The following ATL2 variants were observed in gnomAD, a reference collection of about 807,000 sequenced individuals.
ATL2 encodes the protein atlastin-2.
In ATL2, 31 loss-of-function variants were observed where a neutral mutation model predicts 73.9. The observed-to-expected ratio is 0.42, with a 90% CI of 0.32 to 0.57. The LOEUF is 0.57. ATL2 is among the 20% of genes least tolerant of loss of function. ATL2 has a pLI of 0.14. For synonymous variants in ATL2, 291 were observed against 237.5 expected (o/e 1.23, Z -2.07); for missense variants, 738 against 702.6 (o/e 1.05, Z -0.57).
At chr2:38,320,832 G>GCAAAAA (rs933990260) in intron 2 of ATL2, among the ~76,000 whole-genome samples, 5 of 151,850 alleles carry the variant, frequency 3.3e-5, no homozygotes, top group East Asian at 1.9e-4. Context: ...ACACACAGTG[G>GCAAAAA]CAAAAACAAA....
chr2:38,320,899 C>CTT (rs1022319216), intron 2 of ATL2, among the ~76,000 whole-genome samples: 1 of 151,532 alleles, frequency 6.6e-6, no homozygotes, highest in Non-Finnish European at 1.5e-5. Context: ...AATCCCAGCA[C>CTT]TTTGAGAGGC....
chr2:38,304,591 C>T (rs1667352450), intron 9 of ATL2, among the ~76,000 whole-genome samples: 1 of 152,138 alleles, frequency 6.6e-6, no homozygotes, highest in South Asian at 2.1e-4. Context: ...ACAACCACAA[C>T]TTTTCCAGAC....
chr2:38,364,779 T>C (rs1558456004), intron 1 of ATL2, among the ~76,000 whole-genome samples: 1 of 152,236 alleles, frequency 6.6e-6, no homozygotes, highest in Non-Finnish European at 1.5e-5. Flanking sequence ...GCACAGTGGC[T>C]TGCGCCTGTA....
intron 2 of ATL2, among the ~76,000 whole-genome samples, chr2:38,342,850 A>T (rs1669802140): frequency 6.6e-6 from 1 of 152,188 alleles, no homozygotes; most frequent in African/African-American, 2.4e-5. Flanking sequence ...ATGGCGATGA[A>T]GAATCAAGAG....
rs982421519 is a variant in ATL2 at position 38,314,574 on chromosome 2, G to T, written c.711+34C>A. ...GAGGTGGCTTCACAACTTCTCATAG[G>T]CTAATCTTTAAAATGTTAGAATAAC... On this transcript the variant is annotated intron_variant, in intron 6 of 12. Coordinates refer to ENST00000378954, the MANE Select transcript of ATL2 (RefSeq NM_001135673.4). The T allele has an allele frequency of 1.1e-5, 16 of 1,497,254 alleles. No individual in the cohort carries two copies. In the East Asian group the frequency reaches 1.4e-4, roughly 13 times the overall value. 92.7% of individuals were successfully genotyped at this position (1,497,254 alleles called of 1,614,324 possible). A position where few individuals can be genotyped will look rare whatever the true frequency, so the allele number is the denominator to read the frequency against.
chr2:38,353,915 G>A (rs1229877777), intron 1 of ATL2, among the ~76,000 whole-genome samples: 6 of 152,096 alleles, frequency 3.9e-5, no homozygotes, highest in African/African-American at 1.2e-4. Flanking sequence ...AAGTATGGCC[G>A]GGTGCGGTGG....
chr2:38,325,680 A>AG (rs1402771577), intron 2 of ATL2, among the ~76,000 whole-genome samples: 2 of 76,796 alleles, frequency 2.6e-5, no homozygotes, highest in African/African-American at 2.4e-4. Context: ...ACACACACAC[A>AG]CACACACACA....
chr2:38,364,623 A>C (rs552022858), intron 1 of ATL2, among the ~76,000 whole-genome samples: 1 of 152,362 alleles, frequency 6.6e-6, no homozygotes, highest in East Asian at 1.9e-4. Context: ...TATTTCCGGA[A>C]GTATTTTTAG....
In ATL2 at chr2:38,375,613, TA is replaced by T. The variant is rs147547035; in HGVS notation, c.118+1529del. On this transcript the variant is annotated intron_variant, in intron 1 of 12. Coordinates refer to ENST00000378954, the MANE Select transcript of ATL2 (RefSeq NM_001135673.4). ...ACATAGAATATTTTGAAACTGCATC[TA>T]AAACTCTTACCTCAAAAAAAGGAAA... 6.9e-3 allele frequency among the ~76,000 whole-genome samples: 1,045 copies of T among 152,172 alleles called. 10 individuals are homozygous for T. The highest frequency in any genetic ancestry group is 0.057 in the East Asian group (296 of 5,180).
intron 1 of ATL2, among the ~76,000 whole-genome samples, chr2:38,370,150 CAAAAAAAAAAAAA>C (rs962952444): frequency 2.3e-5 from 1 of 43,928 alleles, no homozygotes; most frequent in Admixed American, 2.7e-4. Flanking sequence ...GAGACTCCGT[CAAAAAAAAAAAAA>C]AAAAAAAAGA....
intron 1 of ATL2, among the ~76,000 whole-genome samples, chr2:38,351,079 C>T (rs1670308820): frequency 6.6e-6 from 1 of 152,158 alleles, no homozygotes; most frequent in Non-Finnish European, 1.5e-5. Context: ...TTTTATTATT[C>T]ACATTCCAAA....
chr2:38,358,425 G>A (rs182400634), intron 1 of ATL2: 102 of 156,528 alleles, frequency 6.5e-4, no homozygotes, highest in Non-Finnish European at 1.1e-3. Flanking sequence ...TAAAATGGCT[G>A]GGCGCGGTGG....
At position 38,318,593 on chromosome 2, in the gene ATL2, G is replaced by C; in HGVS notation, c.545C>G (p.Ser182Ter). Residue 182 changes from serine (S) to a stop codon, truncating the protein, a stop_gained, in exon 4 of 13, where the codon TCA (serine) becomes TGA (stop). Transcript: ENST00000378954. LOFTEE classifies it high-confidence loss of function. The part of the protein sequence containing the change: ...MDTQGAFDSQ[S>*]TIKDCATVFA... Reference sequence around the variant, plus strand: ...CACCGTTGCACAGTCTTTGATAGTTGACTGGCTATCAAAGGCACCCTGGGT... The same window carrying C: ...CACCGTTGCACAGTCTTTGATAGTTCACTGGCTATCAAAGGCACCCTGGGT... The C allele has an allele frequency of 6.2e-7, 1 of 1,612,764 alleles. No homozygotes were observed. Among genetic ancestry groups the C allele is most frequent in the Non-Finnish European group, 8.5e-7 (1 of 1,179,676 alleles).
At chr2:38,318,752 T>C in intron 3 of ATL2, 113 bp from the exon 4 acceptor site, 2 of 1,311,312 alleles carry the variant, frequency 1.5e-6, no homozygotes, top group East Asian at 2.4e-5. Context: ...AGTACTTATA[T>C]CTCATACATT....
rs367805761 is a variant in ATL2, at chr2:38,322,997, TAC to T, written c.364-3980_364-3979del. 1.5e-4 allele frequency among the ~76,000 whole-genome samples: 23 copies of T among 152,342 alleles called. No individual in the cohort carries two copies. In the East Asian group the frequency reaches 3.7e-3, roughly 24 times the overall value. On this transcript the variant is annotated intron_variant, in intron 2 of 12. Coordinates refer to ENST00000378954, the MANE Select transcript of ATL2 (RefSeq NM_001135673.4). ...GTGAACACTGACAGCTTTCATAAAA[TAC>T]AGTCATTCATTCATTAAATATTTGT...
At chr2:38,355,390 A>AGAGG (rs1670598863) in intron 1 of ATL2, among the ~76,000 whole-genome samples, 4 of 152,212 alleles carry the variant, frequency 2.6e-5, no homozygotes, top group African/African-American at 7.2e-5. Flanking sequence ...TGCTGGGATT[A>AGAGG]CAGGCGTGAG....
At chr2:38,377,864 C>G (rs920937936), upstream of ATL2, among the ~76,000 whole-genome samples, 3 of 152,000 alleles carry the variant, frequency 2.0e-5, no homozygotes, top group African/African-American at 7.2e-5. Flanking sequence ...CCCCTCCCCC[C>G]CACCATCCTA....
rs1668736165 is a variant in ATL2, at chr2:38,327,541, A to AAAAAAAAAAAAAAAAAAC, written c.364-8523_364-8522insGTTTTTTTTTTTTTTTTT. On this transcript the variant is annotated intron_variant, in intron 2 of 12. Coordinates refer to ENST00000378954, the MANE Select transcript of ATL2 (RefSeq NM_001135673.4). ...GGGGAATATAAAAAAAAAAAAGTAC[A>AAAAAAAAAAAAAAAAAAC]AAAAAAAAAAAAAAACACCAGAAAA... 2.0e-4 allele frequency among the ~76,000 whole-genome samples: 9 copies of AAAAAAAAAAAAAAAAAAC among 45,514 alleles called. No individual in the cohort carries two copies. In the African/African-American group the frequency reaches 2.1e-3, roughly 11 times the overall value. The allele number at this position is 45,514 out of a possible 152,430, so 29.9% of individuals were successfully genotyped here. A position where few individuals can be genotyped will look rare whatever the true frequency, so the allele number is the denominator to read the frequency against.
intron 2 of ATL2, among the ~76,000 whole-genome samples, chr2:38,334,105 C>A (rs1669163678): frequency 6.7e-6 from 1 of 149,450 alleles, no homozygotes; most frequent in Admixed American, 6.7e-5. Context: ...TCTCAGCTCA[C>A]TGCAACCTCT....
Sources: gnomAD v4.1 joint callset for allele counts (sites outside exome capture counted in the v4.1 genomes callset) on GRCh38, gnomAD v4.1.1 for gene constraint, MANE v1.5 for transcripts, NCBI Gene and HGNC (gene_info 2026-07-23, HGNC 2026-07-21) for gene names.